MYRIP: variants seen among roughly 807,000 people sequenced by gnomAD.
MYRIP encodes the protein myosin VIIA and Rab interacting protein.
In MYRIP, 49 loss-of-function variants were observed where a neutral mutation model predicts 98.0. The observed-to-expected ratio is 0.50, with a 90% CI of 0.40 to 0.63. The LOEUF (loss-of-function observed/expected upper bound fraction) is 0.63, where lower values mean the gene tolerates loss of function less well. Ranked by LOEUF, MYRIP falls within the 30% of genes least tolerant of loss-of-function variation. The pLI, the probability that MYRIP is intolerant of heterozygous loss-of-function variation, is 0.00. For missense variants in MYRIP, 1,004 were observed against 1,058.2 expected (o/e 0.95, Z 0.71); for synonymous variants, 404 against 409.5 (o/e 0.99, Z 0.16).
At chr3:40,146,628 C>G (rs1245305233) in intron 3 of MYRIP, among the ~76,000 whole-genome samples, 3 of 152,152 alleles carry the variant, frequency 2.0e-5, no homozygotes, top group Admixed American at 6.5e-5. Context: ...GCTGCTCTGG[C>G]CCTGGAGCCC....
intron 1 of MYRIP, among the ~76,000 whole-genome samples, chr3:39,845,793 G>A (rs1941945049): frequency 1.4e-5 from 2 of 145,366 alleles, no homozygotes; most frequent in South Asian, 2.2e-4. Context: ...GCCTTTTCCA[G>A]TCAGCGCAAG....
rs1944852924 is a variant in MYRIP, at chr3:39,944,339, C to G, written c.110+43413C>G. On this transcript the variant is annotated intron_variant, in intron 2 of 16. Coordinates refer to ENST00000302541, the MANE Select transcript of MYRIP (RefSeq NM_015460.4). ...ATTAGGAAAACATACTATGGTATAT[C>G]CAGATAATGGAATGCCATGTTGTTA... Among the ~76,000 whole-genome samples the G allele has an allele frequency of 2.0e-5, 3 of 151,766 alleles. No homozygotes were observed. In the South Asian group the frequency reaches 6.2e-4, roughly 32 times the overall value.
At chr3:39,810,251 G>C (rs1940627078) in intron 1 of MYRIP, among the ~76,000 whole-genome samples, 1 of 152,256 alleles carries the variant, frequency 6.6e-6, no homozygotes, top group African/African-American at 2.4e-5. Context: ...GGTTCACCGC[G>C]TACCTACTGT....
chr3:39,942,361 A>C (rs71329596), intron 2 of MYRIP, among the ~76,000 whole-genome samples: 10,669 of 152,190 alleles, frequency 0.07, 406 homozygotes, highest in Middle Eastern at 0.092. Flanking sequence ...CCTTGCTGCA[A>C]CCAGTATTTT....
chr3:39,985,713 T>C (rs1293414890), intron 2 of MYRIP, among the ~76,000 whole-genome samples: 4 of 151,334 alleles, frequency 2.6e-5, no homozygotes, highest in African/African-American at 9.8e-5. Context: ...GGGGAAAGGA[T>C]TCCCTATTTA....
At position 39,851,198 on chromosome 3, in the gene MYRIP, T is replaced by C. The variant is rs186910457; in HGVS notation, c.-31+41282T>C. ...AGCCAGGTTATTTAGTTGCCAATAATCTATGATGGATGTATGTATGTATGT... is the reference window on the plus strand; with the variant it reads ...AGCCAGGTTATTTAGTTGCCAATAACCTATGATGGATGTATGTATGTATGT... On this transcript the variant is annotated intron_variant, in intron 1 of 16. Transcript: ENST00000302541. Among the ~76,000 whole-genome samples, 505 of 152,142 alleles carry C rather than the reference T, an allele frequency of 3.3e-3. 3 individuals carry two copies. Among genetic ancestry groups the C allele is most frequent in the Non-Finnish European group, 5.5e-3 (373 of 68,006 alleles).
chr3:40,162,882 C>A (rs1172610512), intron 5 of MYRIP, 72 bp downstream of exon 5: 2 of 1,358,786 alleles, frequency 1.5e-6, no homozygotes, highest in Admixed American at 1.7e-5. Context: ...ACAGGTACTG[C>A]CAGGGTCCCC....
intron 2 of MYRIP, among the ~76,000 whole-genome samples, chr3:39,984,470 T>C (rs978177754): frequency 3.3e-5 from 5 of 152,072 alleles, no homozygotes; most frequent in Non-Finnish European, 7.3e-5. Flanking sequence ...AGTGAGAATA[T>C]GCAGTGTTTG....
At chr3:39,835,192 A>G (rs1941582766) in intron 1 of MYRIP, among the ~76,000 whole-genome samples, 1 of 152,226 alleles carries the variant, frequency 6.6e-6, no homozygotes. Flanking sequence ...AAGCTTATCC[A>G]TCTTAAGACA....
At chr3:40,193,121 A>C (rs191413740) in intron 10 of MYRIP, among the ~76,000 whole-genome samples, 5 of 152,290 alleles carry the variant, frequency 3.3e-5, no homozygotes, top group South Asian at 4.1e-4. Flanking sequence ...GTGCACACCC[A>C]AAAACCGGAG....
intron 8 of MYRIP, among the ~76,000 whole-genome samples, chr3:40,175,629 GC>G (rs954671724): frequency 6.6e-6 from 1 of 152,240 alleles, no homozygotes. Context: ...CCAGCCTGGT[GC>G]CCCCCAGGGG....
At chr3:39,923,656 A>G (rs569219520) in intron 2 of MYRIP, among the ~76,000 whole-genome samples, 1 of 152,178 alleles carries the variant, frequency 6.6e-6, no homozygotes, top group Non-Finnish European at 1.5e-5. Context: ...TAAGGAAGTG[A>G]TAACAGAAGA....
At chr3:40,000,167 T>C (rs1000910540) in intron 2 of MYRIP, among the ~76,000 whole-genome samples, 6 of 151,918 alleles carry the variant, frequency 3.9e-5, no homozygotes, top group African/African-American at 1.2e-4. Context: ...CCTAAAACTT[T>C]AATAAAAAAA....
intron 2 of MYRIP, among the ~76,000 whole-genome samples, chr3:39,990,694 G>A (rs376901083): frequency 1.4e-4 from 22 of 152,258 alleles, no homozygotes; most frequent in East Asian, 3.9e-4. Context: ...TCTGGTCATC[G>A]TGGCCCAAGA....
intron 2 of MYRIP, among the ~76,000 whole-genome samples, chr3:39,976,465 A>T (rs1330407227): frequency 6.6e-6 from 1 of 152,210 alleles, no homozygotes; most frequent in Non-Finnish European, 1.5e-5. Context: ...ACCTAGTTCA[A>T]CCATTGTGGA....
intron 2 of MYRIP, among the ~76,000 whole-genome samples, chr3:39,913,323 C>A (rs549563864): frequency 2.6e-5 from 4 of 152,090 alleles, no homozygotes; most frequent in Admixed American, 2.0e-4. Flanking sequence ...CTTGTTATAA[C>A]CATTAGCTCT....
chr3:39,834,777 T>C (rs1941570105), intron 1 of MYRIP, among the ~76,000 whole-genome samples: 1 of 152,138 alleles, frequency 6.6e-6, no homozygotes, highest in Non-Finnish European at 1.5e-5. Context: ...TGGCTCATTA[T>C]ATAAATATAA....
chr3:40,071,325 T>C (rs540067500), intron 3 of MYRIP: 43 of 401,132 alleles, frequency 1.1e-4, no homozygotes, highest in African/African-American at 8.7e-4. Context: ...TGGTTGGTGG[T>C]TGGGACGGAT....
intron 9 of MYRIP, among the ~76,000 whole-genome samples, chr3:40,183,681 T>A (rs191772657): frequency 1.0e-3 from 154 of 152,332 alleles, no homozygotes; most frequent in Admixed American, 1.8e-3. Context: ...ATACACACAC[T>A]GTGTCAGGAG....
Sources: gnomAD v4.1 joint callset for allele counts (sites outside exome capture counted in the v4.1 genomes callset) on GRCh38, gnomAD v4.1.1 for gene constraint, MANE v1.5 for transcripts, NCBI Gene and HGNC (gene_info 2026-07-23, HGNC 2026-07-21) for gene names.